CSMD3: variants seen among roughly 807,000 people sequenced by gnomAD.
CSMD3 encodes CUB and sushi domain-containing protein 3.
CSMD3 carries 177 observed loss-of-function variants against 435.2 expected under a neutral mutation model. The ratio of observed to expected loss-of-function variants is 0.41; its 90% CI spans 0.36 to 0.46. The LOEUF (loss-of-function observed/expected upper bound fraction) is 0.46. CSMD3 is among the 20% of genes least tolerant of loss of function. The probability of loss-of-function intolerance (pLI) is 0.34; values close to 1 mark genes in which losing one functional copy is unlikely to be tolerated. For synonymous variants in CSMD3, 1,656 were observed against 1,520.5 expected, an observed-to-expected ratio of 1.09 and a Z score of -2.07; for missense variants, 4,265 against 4,504.6, an observed-to-expected ratio of 0.95 and a Z score of 1.52.
chr8:112,559,183 T>C (rs1047146732), intron 24 of CSMD3, among the ~76,000 whole-genome samples: 1 of 151,908 alleles, frequency 6.6e-6, no homozygotes, highest in East Asian at 1.9e-4. Flanking sequence ...CAGAGAAATT[T>C]ATGTAACTGT....
chr8:113,225,679 T>C (rs1009234465), intron 3 of CSMD3, among the ~76,000 whole-genome samples: 3 of 151,552 alleles, frequency 2.0e-5, no homozygotes, highest in Non-Finnish European at 3.0e-5. Flanking sequence ...CCAAGAACAG[T>C]TGGTATGAAT....
intron 68 of CSMD3, among the ~76,000 whole-genome samples, chr8:112,231,932 A>T (rs913102309): frequency 6.6e-5 from 10 of 152,352 alleles, no homozygotes; most frequent in African/African-American, 2.4e-4. Context: ...ATCAATTAAA[A>T]ATTAAAACAT....
chr8:112,561,970 T>C (rs1212560331), intron 24 of CSMD3, among the ~76,000 whole-genome samples: 2 of 151,544 alleles, frequency 1.3e-5, no homozygotes, highest in Non-Finnish European at 3.0e-5. Context: ...CCCAAACTAA[T>C]TGATTTTGCA....
Position 113,436,731 on chromosome 8 carries a change from T to A in CSMD3, c.124A>T (p.Ser42Cys), listed in dbSNP as rs2130153122. The A allele has an allele frequency of 1.2e-6, 2 of 1,614,222 alleles. No individual in the cohort carries two copies. Among genetic ancestry groups the A allele is most frequent in the Non-Finnish European group, 1.7e-6 (2 of 1,180,042 alleles). ...FILMKKMGIK[S>C]GFTFWNLVFL... The stretch of plus-strand genomic sequence containing the variant: ...ACGAGGTTCCAAAACGTAAATCCAC[T>A]TTTAATCCCCATTTTCTTCATCAGG... The change falls in exon 1 of 71, where the codon AGT becomes TGT. Residue 42 changes from serine (S) to cysteine (C), a missense_variant. By Grantham distance (112) the Ser-to-Cys change is moderately radical (BLOSUM62 -1). Transcript: ENST00000297405.
chr8:112,589,883 A>ACTG (rs1283346911), intron 22 of CSMD3, among the ~76,000 whole-genome samples: 14 of 152,190 alleles, frequency 9.2e-5, no homozygotes, highest in African/African-American at 3.4e-4. Flanking sequence ...TATGGAGAGT[A>ACTG]TACCGCTATC....
At chr8:112,925,043 T>A (rs1200148811) in intron 9 of CSMD3, among the ~76,000 whole-genome samples, 2 of 152,162 alleles carry the variant, frequency 1.3e-5, no homozygotes, top group Non-Finnish European at 2.9e-5. Flanking sequence ...CATGTCATAA[T>A]TATATTTAAG....
intron 32 of CSMD3, among the ~76,000 whole-genome samples, chr8:112,449,436 T>C (rs889767303): frequency 6.6e-6 from 1 of 151,824 alleles, no homozygotes; most frequent in African/African-American, 2.4e-5. Flanking sequence ...GGGGGCAGGG[T>C]AAGGAGCATT....
At chr8:112,325,197 C>T (rs575644409) in intron 45 of CSMD3, among the ~76,000 whole-genome samples, 2 of 152,146 alleles carry the variant, frequency 1.3e-5, no homozygotes, top group South Asian at 2.1e-4. Context: ...AACCTGTCTA[C>T]AACCTCTTAC....
intron 12 of CSMD3, among the ~76,000 whole-genome samples, chr8:112,828,803 C>T (rs1268552171): frequency 1.3e-5 from 2 of 151,996 alleles, no homozygotes; most frequent in Admixed American, 6.6e-5. Context: ...ACGTTGCAGA[C>T]AGGGGAAAGA....
intron 32 of CSMD3, among the ~76,000 whole-genome samples, chr8:112,462,664 A>T (rs769190141): frequency 4.2e-5 from 6 of 143,344 alleles, no homozygotes; most frequent in Non-Finnish European, 9.1e-5. Context: ...TAACAACAGA[A>T]AGATATATAT....
At chr8:112,300,267 T>C in intron 53 of CSMD3, among the ~76,000 whole-genome samples, 1 of 142,268 alleles carries the variant, frequency 7.0e-6, no homozygotes, top group Non-Finnish European at 1.5e-5. Context: ...CTTGAGTATG[T>C]ATAAATATAT....
Position 113,046,443 on chromosome 8 carries a change from G to T in CSMD3, c.918-27264C>A, listed in dbSNP as rs539940549. Among the ~76,000 whole-genome samples, 2 of 133,986 alleles carry T rather than the reference G, an allele frequency of 1.5e-5. 1 individual carries two copies. The highest frequency in any genetic ancestry group is 4.5e-4 in the South Asian group (2 of 4,422). The allele number at this position is 133,986 out of a possible 152,430, so 87.9% of individuals were successfully genotyped here. ...TTTCTCCACAAGAGCAGCCACCCAG[G>T]TGTCTCCCTCTGAGAGTTCTGAAGT... On this transcript the variant is annotated intron_variant, in intron 5 of 70. Transcript: ENST00000297405.
intron 12 of CSMD3, among the ~76,000 whole-genome samples, chr8:112,809,383 T>G (rs2079167523): frequency 6.6e-6 from 1 of 152,146 alleles, no homozygotes; most frequent in Non-Finnish European, 1.5e-5. Flanking sequence ...TCACGCAGAT[T>G]CATGTGGAGC....
intron 27 of CSMD3, among the ~76,000 whole-genome samples, chr8:112,530,760 C>T (rs1825447639): frequency 6.6e-6 from 1 of 152,202 alleles, no homozygotes; most frequent in African/African-American, 2.4e-5. Flanking sequence ...CAATGTAACA[C>T]AGCATTGGGC....
chr8:112,795,461 C>T (rs1386090084), intron 13 of CSMD3, among the ~76,000 whole-genome samples: 3 of 152,114 alleles, frequency 2.0e-5, no homozygotes, highest in African/African-American at 4.8e-5. Flanking sequence ...TTTCCACATA[C>T]CCTTGTCAAA....
intron 12 of CSMD3, among the ~76,000 whole-genome samples, chr8:112,802,141 T>A (rs2132338645): frequency 6.6e-6 from 1 of 151,952 alleles, no homozygotes. Context: ...TATTTTTAAA[T>A]TTTCTGATGT....
chr8:113,345,098 A>C (rs1421704855), intron 1 of CSMD3, among the ~76,000 whole-genome samples: 1 of 152,090 alleles, frequency 6.6e-6, no homozygotes, highest in Non-Finnish European at 1.5e-5. Context: ...TAAAGCACCC[A>C]ATGTACACAG....
chr8:113,292,693 A>G (rs2093694446), intron 2 of CSMD3, among the ~76,000 whole-genome samples: 1 of 151,944 alleles, frequency 6.6e-6, no homozygotes, highest in Non-Finnish European at 1.5e-5. Context: ...TGTTAAACAT[A>G]GTAGTTATAT....
Position 112,281,251 on chromosome 8 carries a change from C to A in CSMD3, c.9431G>T (p.Gly3144Val), listed in dbSNP as rs558471150. ...SSSVIYSCME[G>V]YILSGPSVRQ... The stretch of plus-strand genomic sequence containing the variant: ...AACTGAAGGTCCAGAAAGGATGTAT[C>A]CCTCCATGCAGGAATAAATGACTGA... Residue 3144 changes from glycine to valine, a missense_variant, in exon 59 of 71, where the codon GGA becomes GTA. Gly to Val is a moderately radical substitution (Grantham distance 109, BLOSUM62 -3). This residue lies in a region of CSMD3 where 3,255 missense variants were observed against 3,380.2 expected (regional missense o/e 0.96). Transcript: ENST00000297405. 1 of 1,612,308 alleles carries A rather than the reference C, an allele frequency of 6.2e-7. No individual in the cohort carries two copies.
Sources: gnomAD v4.1 joint callset for allele counts (sites outside exome capture counted in the v4.1 genomes callset) on GRCh38, gnomAD v4.1.1 for gene constraint, gnomAD v4.1.1 regional missense constraint, MANE v1.5 for transcripts, NCBI Gene and HGNC (gene_info 2026-07-23, HGNC 2026-07-21) for gene names.